Variants in ARID5B observed in about 807,000 individuals in gnomAD.
The protein encoded by ARID5B is AT-rich interactive domain-containing protein 5B.
In ARID5B, 13 loss-of-function variants were observed where a neutral mutation model predicts 97.2. The observed-to-expected ratio is 0.13, with a 90% CI of 0.09 to 0.21. The LOEUF (loss-of-function observed/expected upper bound fraction) is 0.21. Ranked by LOEUF, ARID5B falls within the 10% of genes least tolerant of loss-of-function variation. The pLI, the probability that ARID5B is intolerant of heterozygous loss-of-function variation, is 1.00. For synonymous variants in ARID5B, 556 were observed against 570.3 expected (o/e 0.97, Z 0.36); for missense variants, 1,210 against 1,465.3 (o/e 0.83, Z 2.84).
At chr10:62,041,343 T>C (rs932841282) in intron 4 of ARID5B, among the ~76,000 whole-genome samples, 1 of 152,112 alleles carries the variant, frequency 6.6e-6, no homozygotes, top group Non-Finnish European at 1.5e-5. Flanking sequence ...GGTGCCCTCA[T>C]AGGGAGGAAG....
chr10:62,038,287 T>C (rs557208854), intron 4 of ARID5B, among the ~76,000 whole-genome samples: 1 of 151,726 alleles, frequency 6.6e-6, no homozygotes, highest in Non-Finnish European at 1.5e-5. Flanking sequence ...TTTTAGACAA[T>C]ATAGAAAGAT....
At chr10:61,906,221 TA>T (rs916733569) in intron 2 of ARID5B, among the ~76,000 whole-genome samples, 50 of 148,190 alleles carry the variant, frequency 3.4e-4, no homozygotes, top group African/African-American at 9.1e-4. Context: ...TTATAAACAA[TA>T]AAAAAAAAAC....
At chr10:62,084,373 G>T (rs1247256925) in intron 8 of ARID5B, among the ~76,000 whole-genome samples, 1 of 152,156 alleles carries the variant, frequency 6.6e-6, no homozygotes, top group African/African-American at 2.4e-5. Context: ...AACATAGATA[G>T]AAACCAATTT....
At chr10:61,905,045 C>G (rs2132750901) in intron 2 of ARID5B, among the ~76,000 whole-genome samples, 1 of 152,212 alleles carries the variant, frequency 6.6e-6, no homozygotes, top group East Asian at 1.9e-4. Flanking sequence ...TTTGTTTTCA[C>G]TTATTCCATT....
intron 3 of ARID5B, among the ~76,000 whole-genome samples, chr10:61,996,901 T>A (rs992339177): frequency 4.0e-5 from 6 of 150,584 alleles, no homozygotes; most frequent in African/African-American, 1.5e-4. Context: ...AAAAAATATA[T>A]ATATATATAT....
intron 9 of ARID5B, among the ~76,000 whole-genome samples, chr10:62,088,193 C>T (rs1840318624): frequency 1.3e-5 from 2 of 152,272 alleles, no homozygotes; most frequent in South Asian, 4.1e-4. Context: ...TCAACATCTG[C>T]AAGCTTGCAA....
intron 3 of ARID5B, among the ~76,000 whole-genome samples, chr10:61,942,179 T>C (rs1352536263): frequency 1.3e-5 from 2 of 152,178 alleles, no homozygotes; most frequent in Non-Finnish European, 2.9e-5. Context: ...AAATGGATAA[T>C]TTATTAATGA....
intron 4 of ARID5B, among the ~76,000 whole-genome samples, chr10:62,001,721 G>A (rs1839082356): frequency 6.6e-6 from 1 of 152,132 alleles, no homozygotes; most frequent in African/African-American, 2.4e-5. Flanking sequence ...TAGATTCTAA[G>A]AGCCATGACA....
At chr10:62,058,455 A>T (rs1267835908) in intron 6 of ARID5B, among the ~76,000 whole-genome samples, 1 of 152,198 alleles carries the variant, frequency 6.6e-6, no homozygotes, top group Non-Finnish European at 1.5e-5. Context: ...AAAAAAATCA[A>T]ATCCATAGCA....
intron 3 of ARID5B, among the ~76,000 whole-genome samples, chr10:61,984,261 A>G (rs1838816969): frequency 6.6e-6 from 1 of 152,138 alleles, no homozygotes; most frequent in East Asian, 1.9e-4. Flanking sequence ...TCAATGGAGG[A>G]TAGGACTGGG....
intron 4 of ARID5B, among the ~76,000 whole-genome samples, chr10:62,034,582 T>C (rs1839538046): frequency 6.6e-6 from 1 of 152,274 alleles, no homozygotes. Flanking sequence ...TGCAACGCTT[T>C]ATTCTGTGTA....
intron 7 of ARID5B, among the ~76,000 whole-genome samples, chr10:62,066,818 G>T (rs1839995833): frequency 6.6e-6 from 1 of 152,102 alleles, no homozygotes; most frequent in South Asian, 2.1e-4. Flanking sequence ...AATATCCCCG[G>T]CTTTCTTGCT....
At chr10:62,031,875 T>C (rs1309740579) in intron 4 of ARID5B, among the ~76,000 whole-genome samples, 1 of 152,190 alleles carries the variant, frequency 6.6e-6, no homozygotes, top group Non-Finnish European at 1.5e-5. Flanking sequence ...TGATTTTCAA[T>C]TGATGATAAG....
chr10:61,960,471 T>C (rs12784212), intron 3 of ARID5B, among the ~76,000 whole-genome samples: 1 of 152,188 alleles, frequency 6.6e-6, no homozygotes, highest in Non-Finnish European at 1.5e-5. Flanking sequence ...AGCAATGTGT[T>C]TATTATAGGA....
intron 8 of ARID5B, among the ~76,000 whole-genome samples, chr10:62,084,494 G>A (rs1840255685): frequency 6.6e-6 from 1 of 152,174 alleles, no homozygotes; most frequent in South Asian, 2.1e-4. Context: ...TATAAGCCAA[G>A]TACATTTTCT....
In ARID5B at chr10:62,092,555, T is replaced by C; in HGVS notation, c.3092T>C (p.Val1031Ala). The C allele has an allele frequency of 1.2e-6, 2 of 1,614,126 alleles. No individual in the cohort carries two copies. Among genetic ancestry groups the C allele is most frequent in the Non-Finnish European group, 1.7e-6 (2 of 1,180,006 alleles). Residue 1031 changes from valine to alanine, a missense_variant, in exon 10 of 10, where the codon GTG becomes GCG. Transcript: ENST00000279873. Reference protein sequence around the residue: ...LVIAGKKARAVSPLDPSKEVS... With the variant: ...LVIAGKKARAASPLDPSKEVS... ...ATTGCAGGGAAAAAGGCCCGGGCAG[T>C]GTCTCCCTTAGACCCATCCAAGGAG...
intron 2 of ARID5B, among the ~76,000 whole-genome samples, chr10:61,914,575 C>A (rs1843866168): frequency 6.6e-6 from 1 of 152,188 alleles, no homozygotes; most frequent in Non-Finnish European, 1.5e-5. Context: ...AGTGCTTTCT[C>A]TGTGTATTCA....
chr10:61,985,680 T>G (rs1157999335), intron 3 of ARID5B, among the ~76,000 whole-genome samples: 3 of 152,104 alleles, frequency 2.0e-5, no homozygotes, highest in Non-Finnish European at 4.4e-5. Flanking sequence ...TCGTATCATT[T>G]TTAATCTTAT....
At chr10:61,926,970 A>G (rs1470988732) in intron 2 of ARID5B, among the ~76,000 whole-genome samples, 1 of 152,030 alleles carries the variant, frequency 6.6e-6, no homozygotes, top group African/African-American at 2.4e-5. Context: ...GGTTTTTGCC[A>G]TTGAAAGTAA....
Sources: allele counts gnomAD v4.1 joint callset (sites outside exome capture counted in the v4.1 genomes callset), GRCh38; gene constraint gnomAD v4.1.1; transcripts MANE v1.5; gene names NCBI Gene and HGNC (gene_info 2026-07-23, HGNC 2026-07-21).